Variants in EYS observed in about 807,000 individuals in gnomAD.
EYS encodes the protein protein eyes shut homolog.
Under a neutral mutation model 282.1 loss-of-function variants are expected in EYS, and 250 were observed. That is an observed-to-expected ratio of 0.89 (90% CI 0.80 to 0.98). The LOEUF (loss-of-function observed/expected upper bound fraction) is 0.98, where lower values mean the gene tolerates loss of function less well. EYS is among the 50% of genes least tolerant of loss of function. The pLI is 0.00. For synonymous variants in EYS, 1,355 were observed against 1,282.9 expected (o/e 1.06, Z -1.20); for missense variants, 4,016 against 3,709.0 (o/e 1.08, Z -2.15).
At chr6:64,329,153 G>A (rs1404582321) in intron 29 of EYS, among the ~76,000 whole-genome samples, 1 of 152,060 alleles carries the variant, frequency 6.6e-6, no homozygotes, top group Admixed American at 6.6e-5. Context: ...AGGACTTTAT[G>A]GTCCATACTG....
intron 15 of EYS, among the ~76,000 whole-genome samples, chr6:64,922,851 A>G (rs1768392814): frequency 6.6e-6 from 1 of 152,196 alleles, no homozygotes; most frequent in South Asian, 2.1e-4. Context: ...AACGGAGGAC[A>G]CAGAGCAGTG....
At chr6:63,894,434 G>A (rs1773482929) in intron 35 of EYS, among the ~76,000 whole-genome samples, 1 of 152,162 alleles carries the variant, frequency 6.6e-6, no homozygotes, top group Non-Finnish European at 1.5e-5. Flanking sequence ...CACTGAGGAT[G>A]CCAGCAGCCA....
Position 64,298,413 on chromosome 6 carries a change from A to G in EYS, c.6191+8557T>C, listed in dbSNP as rs138451890. The stretch of plus-strand genomic sequence containing the variant: ...AAGATGTAATTTTGTGCCATCAACA[A>G]TCAAAAGGAGTGGGAACAGAGCTGT... On this transcript the variant is annotated intron_variant, in intron 30 of 42. Transcript: ENST00000503581. 1.9e-3 allele frequency among the ~76,000 whole-genome samples: 291 copies of G among 152,304 alleles called. 1 individual carries two copies. Among genetic ancestry groups the G allele is most frequent in the African/African-American group, 6.7e-3 (277 of 41,558 alleles).
chr6:65,267,915 AACC>A (rs1767800858), intron 12 of EYS, among the ~76,000 whole-genome samples: 1 of 151,834 alleles, frequency 6.6e-6, no homozygotes, highest in Non-Finnish European at 1.5e-5. Flanking sequence ...TATTGAAATT[AACC>A]TTAGAAAATG....
chr6:65,600,629 C>A (rs968132332), intron 2 of EYS, among the ~76,000 whole-genome samples: 1 of 151,936 alleles, frequency 6.6e-6, no homozygotes, highest in Non-Finnish European at 1.5e-5. Context: ...AATTTACGTG[C>A]ATTTTGTGGT....
chr6:63,722,671 T>C (rs1768450292), intron 42 of EYS, among the ~76,000 whole-genome samples: 1 of 152,186 alleles, frequency 6.6e-6, no homozygotes, highest in Non-Finnish European at 1.5e-5. Context: ...CCCTCTGAAA[T>C]TTCCCAACCT....
At chr6:64,993,937 G>T (rs1359873157) in intron 14 of EYS, among the ~76,000 whole-genome samples, 1 of 151,000 alleles carries the variant, frequency 6.6e-6, no homozygotes, top group African/African-American at 2.4e-5. Context: ...ATATATTGCA[G>T]AGTTGTTCCT....
At chr6:65,680,467 G>C (rs1296484032) in intron 1 of EYS, among the ~76,000 whole-genome samples, 1 of 151,856 alleles carries the variant, frequency 6.6e-6, no homozygotes, top group East Asian at 1.9e-4. Flanking sequence ...TCATTCTATA[G>C]TAAAGAAAAT....
intron 19 of EYS, among the ~76,000 whole-genome samples, chr6:64,839,038 C>T (rs1765479665): frequency 6.6e-6 from 1 of 151,888 alleles, no homozygotes; most frequent in Non-Finnish European, 1.5e-5. Flanking sequence ...TCAAGTCTTA[C>T]CAATTATATA....
chr6:64,798,363 A>G, intron 22 of EYS, among the ~76,000 whole-genome samples: 1 of 152,036 alleles, frequency 6.6e-6, no homozygotes. Flanking sequence ...ATATCAAAAA[A>G]TATGTTTAAA....
chr6:65,619,880 A>G (rs942797273), intron 2 of EYS, among the ~76,000 whole-genome samples: 1 of 151,188 alleles, frequency 6.6e-6, no homozygotes, highest in African/African-American at 2.4e-5. Context: ...ATGTTGAACC[A>G]GCCTTGCATC....
At chr6:65,050,124 A>G (rs796270676) in intron 13 of EYS, among the ~76,000 whole-genome samples, 2 of 151,576 alleles carry the variant, frequency 1.3e-5, no homozygotes, top group East Asian at 3.9e-4. Context: ...CTTTGAATCT[A>G]AAATAAAAAT....
intron 31 of EYS, among the ~76,000 whole-genome samples, chr6:64,179,723 T>C (rs185789673): frequency 1.3e-5 from 2 of 152,220 alleles, no homozygotes; most frequent in East Asian, 3.9e-4. Context: ...CTTATTCCTA[T>C]ACACTTCATT....
chr6:64,900,402 G>T (rs1480236061), intron 18 of EYS, among the ~76,000 whole-genome samples: 1 of 152,178 alleles, frequency 6.6e-6, no homozygotes, highest in Non-Finnish European at 1.5e-5. Flanking sequence ...AAACTAAAGA[G>T]CTTCTGCACA....
At chr6:64,748,073 G>A (rs797009318) in intron 22 of EYS, among the ~76,000 whole-genome samples, 6 of 152,262 alleles carry the variant, frequency 3.9e-5, no homozygotes, top group African/African-American at 1.4e-4. Context: ...AGAGTGTGGA[G>A]AACATAGATT....
intron 12 of EYS, among the ~76,000 whole-genome samples, chr6:65,233,935 T>C (rs1194050651): frequency 6.6e-6 from 1 of 152,124 alleles, no homozygotes; most frequent in Non-Finnish European, 1.5e-5. Flanking sequence ...ACCCAGCACA[T>C]GCACACAGCC....
chr6:64,669,425 C>T (rs886101549), intron 22 of EYS, among the ~76,000 whole-genome samples: 2 of 152,048 alleles, frequency 1.3e-5, no homozygotes, highest in African/African-American at 4.8e-5. Context: ...GAGAAACGAC[C>T]TCAGATTTGG....
intron 2 of EYS, among the ~76,000 whole-genome samples, chr6:65,584,521 G>A (rs1764976414): frequency 6.6e-6 from 1 of 151,846 alleles, no homozygotes; most frequent in African/African-American, 2.4e-5. Flanking sequence ...TTACCAATTA[G>A]GTTTTTTTCA....
intron 31 of EYS, among the ~76,000 whole-genome samples, chr6:64,229,640 GCTTA>G (rs1446370402): frequency 2.0e-5 from 3 of 152,018 alleles, no homozygotes; most frequent in Non-Finnish European, 4.4e-5. Flanking sequence ...ATATTTGCTT[GCTTA>G]CTTAGCTAAA....
Sources: gnomAD v4.1 joint callset for allele counts (sites outside exome capture counted in the v4.1 genomes callset) on GRCh38, gnomAD v4.1.1 for gene constraint, MANE v1.5 for transcripts, NCBI Gene and HGNC (gene_info 2026-07-23, HGNC 2026-07-21) for gene names.